Variants in ANKRD26 observed in about 807,000 individuals in gnomAD.
The protein encoded by ANKRD26 is ankyrin repeat domain 26.
Under a neutral mutation model 208.7 loss-of-function variants are expected in ANKRD26, and 141 were observed. That is an observed-to-expected ratio of 0.68 (90% CI 0.59 to 0.78). The LOEUF is 0.78. Among genes scored for constraint, ANKRD26 ranks in the 30% least tolerant of loss-of-function variants. The pLI, the probability that ANKRD26 is intolerant of heterozygous loss-of-function variation, is 0.00. For synonymous variants in ANKRD26, 636 were observed against 660.4 expected (o/e 0.96, Z 0.57); for missense variants, 1,889 against 1,938.7 (o/e 0.97, Z 0.48).
chr10:26,954,560 C>T, the ANKRD26 span, among the ~76,000 whole-genome samples: 104 of 151,942 alleles, frequency 6.8e-4, no homozygotes, highest in Non-Finnish European at 1.2e-3. Context: ...ATCCTGCTAG[C>T]GTATTAATTG....
chr10:27,086,506 T>C (rs1183322663), intron 5 of ANKRD26, 33 bp downstream of exon 5: 2 of 1,600,908 alleles, frequency 1.2e-6, no homozygotes, highest in African/African-American at 2.7e-5. Context: ...CATGGTACTA[T>C]TACCAAGAGA....
At position 27,005,002 on chromosome 10, in the gene ANKRD26, G is replaced by A; in HGVS notation, c.*588C>T. 1.0e-6 allele frequency: 1 copy of A among 976,590 alleles called. No homozygotes were observed. The highest frequency in any genetic ancestry group is 1.2e-6 in the Non-Finnish European group (1 of 821,848). 60.5% of individuals were successfully genotyped at this position (976,590 alleles called of 1,614,324 possible). A position where few individuals can be genotyped will look rare whatever the true frequency, so the allele number is the denominator to read the frequency against. ...ATTTACTCTCAAATTGTTCGGAGGA[G>A]AAAGTCTTTGTACTAAAACTTCGAA... On this transcript the variant is annotated 3_prime_UTR_variant, in exon 34 of 34. Coordinates refer to ENST00000376087, the MANE Select transcript of ANKRD26 (RefSeq NM_014915.3).
intron 4 of ANKRD26, chr10:26,995,295 A>G (rs573878873): frequency 9.3e-5 from 38 of 410,612 alleles, no homozygotes; most frequent in Non-Finnish European, 1.1e-4. Context: ...CGGTACACAA[A>G]CAGTAGGAAG....
At position 27,079,133 on chromosome 10, in the gene ANKRD26, AATC is replaced by A. The variant is rs2055810134; in HGVS notation, c.766_768del (p.Asp256del). On this transcript the variant is annotated inframe_deletion, in exon 7 of 34. Coordinates refer to ENST00000376087, the MANE Select transcript of ANKRD26 (RefSeq NM_014915.3). ...TCTTCGTCATCTGAGGTAGGCCATG[AATC>A]ATCAACACCCGGTTTGCCAGAAAGC... is the stretch of plus-strand genomic sequence containing the variant. The A allele has an allele frequency of 6.2e-7, 1 of 1,613,940 alleles. No homozygotes were observed. Among genetic ancestry groups the A allele is most frequent in the South Asian group, 1.1e-5 (1 of 91,082 alleles).
chr10:27,014,177 C>T (rs1471123702), intron 31 of ANKRD26, among the ~76,000 whole-genome samples: 3 of 151,828 alleles, frequency 2.0e-5, no homozygotes, highest in Non-Finnish European at 4.4e-5. Flanking sequence ...TATGGCAATG[C>T]TGATAAGCAA....
intron 30 of ANKRD26, 141 bp downstream of exon 30, chr10:27,017,361 A>G: frequency 1.3e-6 from 1 of 768,066 alleles, no homozygotes; most frequent in Non-Finnish European, 2.1e-6. Flanking sequence ...GAATATCTAA[A>G]GGGAGAAACA....
intron 9 of ANKRD26, among the ~76,000 whole-genome samples, chr10:27,072,692 A>T (rs1365286339): frequency 2.6e-5 from 4 of 152,206 alleles, no homozygotes; most frequent in African/African-American, 9.6e-5. Context: ...AACGTCTGCA[A>T]GCACAATGAC....
the ANKRD26 span, among the ~76,000 whole-genome samples, chr10:26,961,146 G>A: frequency 6.6e-6 from 1 of 151,360 alleles, no homozygotes; most frequent in Non-Finnish European, 1.5e-5. Flanking sequence ...GAACCTGGGA[G>A]GCGGAGGTTG....
chr10:27,037,762 G>A, intron 22 of ANKRD26, 109 bp downstream of exon 22: 1 of 903,824 alleles, frequency 1.1e-6, no homozygotes, highest in Non-Finnish European at 1.7e-6. Context: ...GTCAGCTTGA[G>A]ATAACAGTTT....
At chr10:27,020,241 C>A (rs956468459) in intron 29 of ANKRD26, among the ~76,000 whole-genome samples, 5 of 152,172 alleles carry the variant, frequency 3.3e-5, no homozygotes, top group African/African-American at 1.2e-4. Context: ...AATGTATAAG[C>A]GAATTAGCAT....
intron 3 of ANKRD26, among the ~76,000 whole-genome samples, chr10:26,985,735 AT>A (rs755071667): frequency 2.0e-5 from 3 of 152,178 alleles, no homozygotes; most frequent in Non-Finnish European, 4.4e-5. Flanking sequence ...AGAAGGTTAA[AT>A]ATCCTCTCTC....
chr10:26,982,397 T>A (rs1349291456), intron 4 of ANKRD26, among the ~76,000 whole-genome samples: 1 of 152,158 alleles, frequency 6.6e-6, no homozygotes. Context: ...TCCAAATTTA[T>A]TTTCCTTTCA....
chr10:27,077,323 T>TA lies in ANKRD26; in HGVS notation c.1077+14dup. The TA allele has an allele frequency of 6.2e-7, 1 of 1,607,610 alleles. No homozygotes were observed. The highest frequency in any genetic ancestry group is 8.5e-7 in the Non-Finnish European group (1 of 1,174,158). On this transcript the variant is annotated intron_variant, in intron 9 of 33. Transcript: ENST00000376087. ...GGAAGGGTACATGAAAAAAGTTTTT[T>TA]AAAAAACAACTTACCTTCATAAGAC...
At chr10:27,063,246 A>G (rs1285959866) in intron 12 of ANKRD26, among the ~76,000 whole-genome samples, 6 of 152,106 alleles carry the variant, frequency 3.9e-5, no homozygotes, top group Non-Finnish European at 7.4e-5. Context: ...TTGGTACTGG[A>G]AGCTCATTTT....
intron 13 of ANKRD26, 40 bp downstream of exon 13, chr10:27,061,104 A>G: frequency 7.3e-7 from 1 of 1,374,986 alleles, no homozygotes; most frequent in South Asian, 1.2e-5. Flanking sequence ...ATACACTTGT[A>G]GAATAACAGT....
the ANKRD26 span, among the ~76,000 whole-genome samples, chr10:26,961,846 T>G: frequency 6.6e-6 from 1 of 152,168 alleles, no homozygotes; most frequent in African/African-American, 2.4e-5. Flanking sequence ...GACCCAGCAG[T>G]TAAGCACACA....
In ANKRD26 at chr10:27,033,045, T is replaced by C. The variant is rs1589248551; in HGVS notation, c.3807+180A>G. Among the ~76,000 whole-genome samples the C allele has an allele frequency of 2.0e-5, 3 of 149,332 alleles. No homozygotes were observed. The Admixed American group carries it at 2.0e-4, about 10-fold the overall frequency. On this transcript the variant is annotated intron_variant, in intron 25 of 33. Transcript: ENST00000376087. ...AGCCGAGATCGCGCCACTGTGCCAC[T>C]GCACTCCAGCCTGGGCAATAGAACG...
At chr10:26,983,565 T>C (rs1361700784) in intron 3 of ANKRD26, among the ~76,000 whole-genome samples, 2 of 152,208 alleles carry the variant, frequency 1.3e-5, no homozygotes, top group Non-Finnish European at 2.9e-5. Context: ...GGGTCTTTAA[T>C]GTGGTTTCTT....
At chr10:27,089,406 T>C (rs1248642797) in intron 4 of ANKRD26, among the ~76,000 whole-genome samples, 1 of 152,224 alleles carries the variant, frequency 6.6e-6, no homozygotes, top group African/African-American at 2.4e-5. Context: ...GTGATAGTAT[T>C]TTTTATCCCA....
Sources: gnomAD v4.1 joint callset for allele counts (sites outside exome capture counted in the v4.1 genomes callset) on GRCh38, gnomAD v4.1.1 for gene constraint, MANE v1.5 for transcripts, NCBI Gene and HGNC (gene_info 2026-07-23, HGNC 2026-07-21) for gene names.